The following ABCG1 variants were observed in gnomAD, a reference collection of about 807,000 sequenced individuals.
ABCG1 encodes the protein ATP-binding cassette sub-family G member 1.
ABCG1 carries 29 observed loss-of-function variants against 69.2 expected under a neutral mutation model. The ratio of observed to expected loss-of-function variants is 0.42; its 90% CI spans 0.31 to 0.57. The LOEUF is 0.57. ABCG1 is among the 20% of genes least tolerant of loss of function. The pLI is 0.15. For missense variants in ABCG1, 718 were observed against 898.1 expected (o/e 0.80, Z 2.56); for synonymous variants, 370 against 374.8 (o/e 0.99, Z 0.15).
intron 2 of ABCG1, among the ~76,000 whole-genome samples, chr21:42,236,457 C>T (rs916097953): frequency 5.3e-5 from 8 of 152,218 alleles, no homozygotes; most frequent in Admixed American, 4.6e-4. Flanking sequence ...CTCTGGAGAC[C>T]AGGGCCTTCT....
At position 42,276,166 on chromosome 21, in the gene ABCG1, G is replaced by A. The variant is rs576007094; in HGVS notation, c.538-729G>A. Among the ~76,000 whole-genome samples, 68 of 152,298 alleles carry A rather than the reference G, an allele frequency of 4.5e-4. No homozygotes were observed. Among genetic ancestry groups the A allele is most frequent in the African/African-American group, 1.2e-3 (49 of 41,520 alleles). On this transcript the variant is annotated intron_variant, in intron 4 of 14. Coordinates refer to ENST00000398449, the MANE Select transcript of ABCG1 (RefSeq NM_016818.3). The surrounding 1 kb of genome is among the most constrained non-coding windows in gnomAD (Gnocchi z 5.3). Reference sequence around the variant, plus strand: ...AGGCAGGAGGGTGGAAGCAAGGCCCGTCCTGTGCATGGTGATCTACTCTGG... The same window carrying A: ...AGGCAGGAGGGTGGAAGCAAGGCCCATCCTGTGCATGGTGATCTACTCTGG...
intron 2 of ABCG1, among the ~76,000 whole-genome samples, chr21:42,237,238 A>G (rs2067990226): frequency 6.6e-6 from 1 of 152,244 alleles, no homozygotes; most frequent in East Asian, 1.9e-4. Flanking sequence ...TAGAATATGA[A>G]TTTCAAAGAG....
chr21:42,286,208 T>C, intron 8 of ABCG1: 2 of 524,012 alleles, frequency 3.8e-6, no homozygotes, highest in South Asian at 4.2e-5. Flanking sequence ...TCTCTGCCTC[T>C]CTCCTGTCTC....
intron 2 of ABCG1, among the ~76,000 whole-genome samples, chr21:42,268,362 G>GGGGTGTGTGT (rs375702317): frequency 3.4e-5 from 5 of 147,704 alleles, no homozygotes; most frequent in Admixed American, 2.7e-4. Context: ...TAGAGGTAGG[G>GGGGTGTGTGT]GTGTGTGTGT....
intron 2 of ABCG1, among the ~76,000 whole-genome samples, chr21:42,251,207 C>A (rs2068215727): frequency 6.6e-6 from 1 of 152,142 alleles, no homozygotes; most frequent in Admixed American, 6.5e-5. Flanking sequence ...GATGAGTCTG[C>A]AAATTGAACA....
chr21:42,226,010 G>C lies in ABCG1; in HGVS notation c.286+96G>C, dbSNP rs984667696. On this transcript the variant is annotated intron_variant, in intron 2 of 14. Transcript: ENST00000398449. ...AAAATCGGGGTCTGGAGGTTGAGAG[G>C]CTGAGCTTCTCTTCCCAACGCCGTC... 5.6e-6 allele frequency: 8 copies of C among 1,430,106 alleles called. No individual in the cohort carries two copies. The African/African-American group carries it at 8.6e-5, about 15-fold the overall frequency. 88.6% of individuals were successfully genotyped at this position (1,430,106 alleles called of 1,614,324 possible). A position where few individuals can be genotyped will look rare whatever the true frequency, so the allele number is the denominator to read the frequency against.
chr21:42,267,944 C>G (rs973934088), intron 2 of ABCG1, among the ~76,000 whole-genome samples: 1 of 146,506 alleles, frequency 6.8e-6, no homozygotes, highest in Non-Finnish European at 1.5e-5. Context: ...GGTCTGGGTT[C>G]TGTCTAAGTT....
Position 42,291,668 on chromosome 21 carries a change from G to C in ABCG1, c.1653+12G>C. On this transcript the variant is annotated intron_variant, in intron 13 of 14. Coordinates refer to ENST00000398449, the MANE Select transcript of ABCG1 (RefSeq NM_016818.3). This position sits in a 1 kb window ranked among gnomAD's most constrained non-coding sequence, Gnocchi z 6.4. ...CCACGTCCCTGCAGGTGCCAGCCCA[G>C]GAGGCGCTAAGTGAGGGCATGACGG... 6.3e-7 allele frequency: 1 copy of C among 1,593,136 alleles called. No homozygotes were observed. Among genetic ancestry groups the C allele is most frequent in the South Asian group, 1.1e-5 (1 of 90,034 alleles).
intron 1 of ABCG1, among the ~76,000 whole-genome samples, chr21:42,201,238 G>A (rs181661619): frequency 9.1e-4 from 139 of 152,136 alleles, no homozygotes; most frequent in South Asian, 6.2e-4. Flanking sequence ...TCCCCAGCAC[G>A]AGCACCAGCA....
At position 42,276,787 on chromosome 21, in the gene ABCG1, C is replaced by T. The variant is rs1371705879; in HGVS notation, c.538-108C>T. The T allele has an allele frequency of 8.8e-7, 1 of 1,138,512 alleles. No individual in the cohort carries two copies. Among genetic ancestry groups the T allele is most frequent in the East Asian group, 2.4e-5 (1 of 42,288 alleles). The allele number at this position is 1,138,512 out of a possible 1,614,324, so 70.5% of individuals were successfully genotyped here. On this transcript the variant is annotated intron_variant, in intron 4 of 14. Transcript: ENST00000398449. This position sits in a 1 kb window ranked among gnomAD's most constrained non-coding sequence, Gnocchi z 5.3. The stretch of plus-strand genomic sequence containing the variant: ...TGCACCGTGGCTAGTGGCACTGTGG[C>T]TAGCTGCATCTTGGCTAGCTGCACC...
intron 13 of ABCG1, among the ~76,000 whole-genome samples, chr21:42,293,621 CTA>C (rs1569243317): frequency 1.4e-5 from 2 of 146,298 alleles, no homozygotes; most frequent in East Asian, 2.0e-4. Flanking sequence ...ACACTACACA[CTA>C]CACACCACAC....
chr21:42,256,732 T>G, intron 2 of ABCG1: 1 of 1,383,678 alleles, frequency 7.2e-7, no homozygotes, highest in Non-Finnish European at 9.4e-7. Flanking sequence ...AGGAATAGGC[T>G]CTGGCTCTTC....
At chr21:42,293,756 TACATACC>T (rs372315409) in intron 13 of ABCG1, among the ~76,000 whole-genome samples, 7,031 of 142,692 alleles carry the variant, frequency 0.049, 190 homozygotes, top group African/African-American at 0.075. Context: ...CACCACACAG[TACATACC>T]ACATACCACA....
intron 2 of ABCG1, among the ~76,000 whole-genome samples, chr21:42,244,605 C>T (rs528211539): frequency 2.6e-5 from 4 of 152,232 alleles, no homozygotes; most frequent in South Asian, 4.2e-4. Context: ...TCTAAAATCA[C>T]GGCAGATTTT....
At chr21:42,247,881 G>A (rs560616408) in intron 2 of ABCG1, among the ~76,000 whole-genome samples, 2 of 152,260 alleles carry the variant, frequency 1.3e-5, no homozygotes, top group East Asian at 3.9e-4. Flanking sequence ...GCCCACAGAC[G>A]CCTGGGGCCA....
rs149516973 is a variant in ABCG1, at chr21:42,204,748, A to G, written c.48+3025A>G. 5.1e-3 allele frequency among the ~76,000 whole-genome samples: 771 copies of G among 152,304 alleles called. 10 individuals are homozygous for G. Among genetic ancestry groups the G allele is most frequent in the Middle Eastern group, 0.024 (7 of 294 alleles). On this transcript the variant is annotated intron_variant, in intron 2 of 15. Coordinates refer to the ABCG1 transcript ENST00000398457. ...TGGAGTGCAGTGGCTATTCACAGGC[A>G]TGACAATTGTGTACTAAGGCCTCGA...
At chr21:42,239,521 G>A (rs900308527) in intron 2 of ABCG1, among the ~76,000 whole-genome samples, 19 of 152,240 alleles carry the variant, frequency 1.2e-4, no homozygotes, top group Non-Finnish European at 2.5e-4. Flanking sequence ...CCTAGGCGCC[G>A]GGCAGTGTGC....
At position 42,293,798 on chromosome 21, in the gene ABCG1, C is replaced by T. The variant is rs565040096; in HGVS notation, c.1654-744C>T. 1.5e-4 allele frequency among the ~76,000 whole-genome samples: 22 copies of T among 151,606 alleles called. 1 individual carries two copies. In the South Asian group the frequency reaches 4.6e-3, roughly 32 times the overall value. On this transcript the variant is annotated intron_variant, in intron 13 of 14. Transcript: ENST00000398449. ...ACCCTACACACAAACACACACTACA[C>T]ACTACATGCTATGCACACACACCAC...
rs369090886 is a variant in ABCG1 at position 42,288,120 on chromosome 21, G to T, written c.1122+83G>T. On this transcript the variant is annotated intron_variant, in intron 9 of 14. Coordinates refer to ENST00000398449, the MANE Select transcript of ABCG1 (RefSeq NM_016818.3). The surrounding 1 kb of genome is among the most constrained non-coding windows in gnomAD (Gnocchi z 4.8). ...CCTGGGGGAGGCTGCACGTGGCACC[G>T]TGCACTGCTGCATGAGAGCTCTTTC... is the stretch of plus-strand genomic sequence containing the variant. 2 of 1,611,240 alleles carry T rather than the reference G, an allele frequency of 1.2e-6. No individual in the cohort carries two copies. The highest frequency in any genetic ancestry group is 1.7e-6 in the Non-Finnish European group (2 of 1,177,502).
Sources: allele counts gnomAD v4.1 joint callset (sites outside exome capture counted in the v4.1 genomes callset), GRCh38; gene constraint gnomAD v4.1.1; non-coding constraint Gnocchi (gnomAD v3.1); transcripts MANE v1.5; gene names NCBI Gene and HGNC (gene_info 2026-07-23, HGNC 2026-07-21).